The following MAMLD1 variants were observed in gnomAD, a reference collection of about 807,000 sequenced individuals.
MAMLD1 encodes mastermind like domain containing 1.
MAMLD1 carries 14 observed loss-of-function variants against 45.0 expected under a neutral mutation model. The ratio of observed to expected loss-of-function variants is 0.31; its 90% CI spans 0.21 to 0.49. MAMLD1 has a LOEUF of 0.49. MAMLD1 is among the 20% of genes least tolerant of loss of function. MAMLD1 has a pLI of 0.99. For synonymous variants in MAMLD1, 254 were observed against 247.8 expected, an observed-to-expected ratio of 1.02 and a Z score of -0.24; for missense variants, 543 against 603.6, an observed-to-expected ratio of 0.90 and a Z score of 1.05.
At chrX:150,365,496 G>T (rs782812270) in intron 1 of MAMLD1, among the ~76,000 whole-genome samples, 1 of 113,169 alleles carries the variant, frequency 8.8e-6, no homozygotes, top group Non-Finnish European at 1.9e-5. Flanking sequence ...TCGCCGATGC[G>T]CTCGCCGGGC....
chrX:150,477,889 CG>C (rs1218808704), intron 5 of MAMLD1, among the ~76,000 whole-genome samples: 5 of 111,372 alleles, frequency 4.5e-5, no homozygotes, highest in African/African-American at 1.6e-4. Context: ...GGGCGGAAAG[CG>C]TGTACATGAG....
At chrX:150,431,226 G>A (rs1311297456) in intron 1 of MAMLD1, among the ~76,000 whole-genome samples, 1 of 111,629 alleles carries the variant, frequency 9.0e-6, no homozygotes, top group East Asian at 2.8e-4. Flanking sequence ...TCCGATGTCT[G>A]TGTGTTCATT....
rs140927620 is a variant in MAMLD1, at chrX:150,471,477, C to T, written c.1904C>T (p.Ala635Val). The T allele has an allele frequency of 5.8e-6, 7 of 1,208,601 alleles. No individual in the cohort carries two copies. The African/African-American group carries it at 1.2e-4, about 21-fold the overall frequency. The change falls in exon 4 of 8, where the codon GCT (alanine) becomes GTT (valine). Residue 635 changes from alanine (A) to valine (V), a missense_variant. Physicochemically the swap from Ala to Val is moderately conservative, Grantham distance 64. Transcript: ENST00000370401. Reference protein sequence around the residue: ...QRSVASDSMPALPRQGCCHLF... With the variant: ...QRSVASDSMPVLPRQGCCHLF... ...TCAGTGGCCTCAGATTCCATGCCTGCTCTGCCCAGACAGGTAAGACAATCT... is the reference window on the plus strand; with the variant it reads ...TCAGTGGCCTCAGATTCCATGCCTGTTCTGCCCAGACAGGTAAGACAATCT...
intron 1 of MAMLD1, among the ~76,000 whole-genome samples, chrX:150,398,806 C>T (rs1220453827): frequency 9.0e-6 from 1 of 111,274 alleles, no homozygotes; most frequent in Non-Finnish European, 1.9e-5. Context: ...AAGGTTAGTT[C>T]CTGTAGGGCA....
chrX:150,473,860 G>A (rs781810421), intron 5 of MAMLD1, 58 bp downstream of exon 5: 96 of 1,141,915 alleles, frequency 8.4e-5, no homozygotes, highest in Non-Finnish European at 7.9e-5. Flanking sequence ...GACTGATTGT[G>A]TTGTCCCAGA....
At chrX:150,370,587 G>C (rs2031894652) in intron 1 of MAMLD1, among the ~76,000 whole-genome samples, 1 of 110,994 alleles carries the variant, frequency 9.0e-6, no homozygotes, top group South Asian at 3.9e-4. Flanking sequence ...GTGGGGTCCT[G>C]CTCCCAAATT....
chrX:150,512,563 G>T lies in MAMLD1; in HGVS notation c.*604G>T. The T allele has an allele frequency of 8.7e-7, 1 of 1,155,939 alleles. No homozygotes were observed. Among genetic ancestry groups the T allele is most frequent in the Non-Finnish European group, 1.1e-6 (1 of 872,847 alleles). On this transcript the variant is annotated 3_prime_UTR_variant, in exon 8 of 8. Transcript: ENST00000370401. ...ATTGGGAGGCACAAGTGCCCGCTGC[G>T]ATGGGAACACAAGTGCCCCTGGCCA...
At chrX:150,440,187 C>T (rs781914291) in intron 1 of MAMLD1, among the ~76,000 whole-genome samples, 7 of 111,116 alleles carry the variant, frequency 6.3e-5, no homozygotes, top group Admixed American at 9.5e-5. Flanking sequence ...CATGGATTGA[C>T]TTTTGCATAT....
rs781846485 is a variant in MAMLD1, at chrX:150,368,393, T to G, written c.-64+4863T>G. Among the ~76,000 whole-genome samples, 7 of 108,656 alleles carry G rather than the reference T, an allele frequency of 6.4e-5. No individual in the cohort carries two copies. The South Asian group carries it at 2.7e-3, about 41-fold the overall frequency. 94.4% of individuals were successfully genotyped at this position (108,656 alleles called of 115,157 possible). On this transcript the variant is annotated intron_variant, in intron 1 of 7. Transcript: ENST00000370401. Reference sequence around the variant, plus strand: ...GTGTCTGTTCATATCCTTCGCCCAATTTTTGATGGGGTTGTTTTTTTTTTT... The same window carrying G: ...GTGTCTGTTCATATCCTTCGCCCAAGTTTTGATGGGGTTGTTTTTTTTTTT...
chrX:150,403,074 TA>T lies in MAMLD1; in HGVS notation c.-64+39554del, dbSNP rs1196749818. On this transcript the variant is annotated intron_variant, in intron 1 of 7. Transcript: ENST00000370401. ...TACCCTAAAACTTAAAGTATAGTAA[TA>T]AAAAAAAAAGTCATTGTGGTCCATA... is the stretch of plus-strand genomic sequence containing the variant. 3.5e-3 allele frequency among the ~76,000 whole-genome samples: 360 copies of T among 103,917 alleles called. 2 individuals are homozygous for T. The highest frequency in any genetic ancestry group is 0.01 in the South Asian group (24 of 2,337). The allele number at this position is 103,917 out of a possible 115,157, so 90.2% of individuals were successfully genotyped here. A position where few individuals can be genotyped will look rare whatever the true frequency, so the allele number is the denominator to read the frequency against.
chrX:150,494,890 AAAAC>A lies in MAMLD1; in HGVS notation c.2041-8360_2041-8357del, dbSNP rs36010957. Among the ~76,000 whole-genome samples, 103 of 103,113 alleles carry A rather than the reference AAAAC, an allele frequency of 1.0e-3. 1 individual carries two copies. Among genetic ancestry groups the A allele is most frequent in the African/African-American group, 3.2e-3 (89 of 28,175 alleles). 89.5% of individuals were successfully genotyped at this position (103,113 alleles called of 115,157 possible). ...CCAGAGTGATACCCTGCCTCAATAC[AAAAC>A]AAACAAACAAACAAACAAACAAAAA... On this transcript the variant is annotated intron_variant, in intron 5 of 7. Coordinates refer to ENST00000370401, the MANE Select transcript of MAMLD1 (RefSeq NM_005491.5).
At chrX:150,503,096 G>A (rs1302405258) in intron 5 of MAMLD1, among the ~76,000 whole-genome samples, 178 bp from the exon 6 acceptor site, 1 of 112,341 alleles carries the variant, frequency 8.9e-6, no homozygotes, top group Non-Finnish European at 1.9e-5. Flanking sequence ...TCTCAAAGAA[G>A]TCTATGACCC....
rs2036392609 is a variant in MAMLD1 at position 150,470,762 on chromosome X, G to A, written c.1189G>A (p.Ala397Thr). 8.3e-7 allele frequency: 1 copy of A among 1,210,390 alleles called. No homozygotes were observed. Among genetic ancestry groups the A allele is most frequent in the African/African-American group, 1.7e-5 (1 of 57,239 alleles). Reference sequence around the variant, plus strand: ...GTCAAGCATGACGTCCAGCAGCAATGCTGCCCTGGGGCCCGCCATGCCCTA... The same window carrying A: ...GTCAAGCATGACGTCCAGCAGCAATACTGCCCTGGGGCCCGCCATGCCCTA... ...LLSSMTSSSN[A>T]ALGPAMPYAP... The change falls in exon 4 of 8, where the codon GCT becomes ACT. Residue 397 changes from alanine (A) to threonine (T), a missense_variant. By Grantham distance (58) the Ala-to-Thr change is moderately conservative. Coordinates refer to ENST00000370401, the MANE Select transcript of MAMLD1 (RefSeq NM_005491.5).
chrX:150,443,742 G>A (rs1315981523), intron 1 of MAMLD1, among the ~76,000 whole-genome samples: 1 of 110,204 alleles, frequency 9.1e-6, no homozygotes, highest in Non-Finnish European at 1.9e-5. Flanking sequence ...TTTCTCTGCT[G>A]AGAATTCTGA....
intron 6 of MAMLD1, chrX:150,504,683 G>A: frequency 1.3e-6 from 1 of 748,478 alleles, no homozygotes; most frequent in Non-Finnish European, 1.6e-6. Flanking sequence ...CAGATGAAAG[G>A]ATATCAGCTA....
intron 1 of MAMLD1, among the ~76,000 whole-genome samples, chrX:150,409,849 A>G (rs111707843): frequency 0.046 from 5,140 of 112,468 alleles, 270 homozygotes; most frequent in African/African-American, 0.16. Flanking sequence ...TGTTTTCCAA[A>G]ATGTCTTTTT....
intron 3 of MAMLD1, 124 bp from the exon 4 acceptor site, chrX:150,469,620 TC>T: frequency 1.9e-6 from 1 of 525,422 alleles, no homozygotes; most frequent in Non-Finnish European, 3.1e-6. Context: ...TCTCTCTCTC[TC>T]TCTCTTTCTC....
At chrX:150,398,246 GAGAAGGAGAAGAAGAAGAAGAAGA>G (rs1557402312) in intron 1 of MAMLD1, among the ~76,000 whole-genome samples, 1 of 70,086 alleles carries the variant, frequency 1.4e-5, no homozygotes, top group Non-Finnish European at 2.8e-5. Context: ...GGAGAAGGAG[GAGAAGGAGAAGAAGAAGAAGAAGA>G]AGAAGAAGAA....
chrX:150,414,917 C>A (rs1432553252), intron 1 of MAMLD1, among the ~76,000 whole-genome samples: 11 of 111,494 alleles, frequency 9.9e-5, no homozygotes, highest in African/African-American at 3.6e-4. Context: ...TCATATCAGT[C>A]ATATAGACAA....
Sources: gnomAD v4.1 joint callset for allele counts (sites outside exome capture counted in the v4.1 genomes callset) on GRCh38, gnomAD v4.1.1 for gene constraint, MANE v1.5 for transcripts, NCBI Gene and HGNC (gene_info 2026-07-23, HGNC 2026-07-21) for gene names.